MYCBP2: variants seen among roughly 807,000 people sequenced by gnomAD.
MYCBP2 encodes E3 ubiquitin-protein ligase MYCBP2.
In MYCBP2, 120 loss-of-function variants were observed where a neutral mutation model predicts 525.3. The observed-to-expected ratio is 0.23, with a 90% CI of 0.20 to 0.27. The LOEUF (loss-of-function observed/expected upper bound fraction) is 0.27. Ranked by LOEUF, MYCBP2 falls within the 10% of genes least tolerant of loss-of-function variation. The probability of loss-of-function intolerance (pLI) is 1.00; values close to 1 mark genes in which losing one functional copy is unlikely to be tolerated. For missense variants in MYCBP2, 4,149 were observed against 5,657.1 expected, an observed-to-expected ratio of 0.73 and a Z score of 8.55; for synonymous variants, 1,894 against 1,955.8, an observed-to-expected ratio of 0.97 and a Z score of 0.83.
chr13:77,155,745 T>C lies in MYCBP2; in HGVS notation c.6915+313A>G, dbSNP rs369260935. Among the ~76,000 whole-genome samples, 8 of 152,304 alleles carry C rather than the reference T, an allele frequency of 5.3e-5. No homozygotes were observed. In the East Asian group the frequency reaches 1.2e-3, roughly 22 times the overall value. The stretch of plus-strand genomic sequence containing the variant: ...TTAAAAATGTATTCTTTCATGCATT[T>C]ATTCAATCAATACATATTGAGGGGC... On this transcript the variant is annotated intron_variant, in intron 46 of 82. Transcript: ENST00000544440.
chr13:77,190,419 T>C (rs1412867189), intron 28 of MYCBP2, 84 bp from the exon 29 acceptor site: 3 of 826,240 alleles, frequency 3.6e-6, no homozygotes, highest in East Asian at 5.0e-5. Flanking sequence ...TCAAATCTTA[T>C]GTCAATGAAA....
chr13:77,206,092 G>A (rs2063301985), intron 24 of MYCBP2, among the ~76,000 whole-genome samples: 1 of 152,042 alleles, frequency 6.6e-6, no homozygotes, highest in Admixed American at 6.6e-5. Flanking sequence ...CTGAAAATGA[G>A]TCTTTTTAAG....
Position 77,233,204 on chromosome 13 carries a change from G to C in MYCBP2, c.2689C>G (p.Leu897Val). Residue 897 changes from leucine (L) to valine (V), a missense_variant, in exon 18 of 83, where the codon CTC becomes GTC. Around this residue, in one of 21 missense-constraint regions of MYCBP2, gnomAD observed 620 missense variants for 795.5 expected, o/e 0.78. Transcript: ENST00000544440. ...TTTAGCTGTGCTGGATGGGATCTGAGTCTGGCTAGAGCCTGTTCTCGATGG... is the reference window on the plus strand; with the variant it reads ...TTTAGCTGTGCTGGATGGGATCTGACTCTGGCTAGAGCCTGTTCTCGATGG... Reference protein sequence around the residue: ...MNHREQALARLRSHPAQLKHK... With the variant: ...MNHREQALARVRSHPAQLKHK... 1.2e-6 allele frequency: 2 copies of C among 1,613,872 alleles called. No individual in the cohort carries two copies. Among genetic ancestry groups the C allele is most frequent in the South Asian group, 2.2e-5 (2 of 91,048 alleles).
intron 1 of MYCBP2, among the ~76,000 whole-genome samples, chr13:77,298,655 T>G (rs541218760): frequency 6.6e-6 from 1 of 152,176 alleles, no homozygotes; most frequent in Non-Finnish European, 1.5e-5. Flanking sequence ...TCGACATGAG[T>G]GCATTTAAAG....
intron 1 of MYCBP2, among the ~76,000 whole-genome samples, chr13:77,314,621 A>C (rs530245937): frequency 6.6e-6 from 1 of 152,340 alleles, no homozygotes; most frequent in Non-Finnish European, 1.5e-5. Context: ...AGAAACAGGA[A>C]TAGGTGGAGC....
chr13:77,305,353 A>AT (rs1159607090), intron 1 of MYCBP2, among the ~76,000 whole-genome samples: 1 of 152,128 alleles, frequency 6.6e-6, no homozygotes, highest in African/African-American at 2.4e-5. Flanking sequence ...TTGTTTACCC[A>AT]TAAAAAAAGA....
At chr13:77,269,317 G>A (rs2074540132) in intron 7 of MYCBP2, among the ~76,000 whole-genome samples, 1 of 152,166 alleles carries the variant, frequency 6.6e-6, no homozygotes, top group South Asian at 2.1e-4. Context: ...TTTGGCCTCA[G>A]GACATGTATA....
At position 77,045,318 on chromosome 13, in the gene MYCBP2, C is replaced by T. The variant is rs954023312; in HGVS notation, c.*60G>A. On this transcript the variant is annotated 3_prime_UTR_variant, in exon 83 of 83. Coordinates refer to ENST00000544440, the MANE Select transcript of MYCBP2 (RefSeq NM_015057.5). Reference sequence around the variant, plus strand: ...TATCCTGAGCAGAGTTTAAACTTCACCGCATCCTCTTGGGGGATGAAGGCA... The same window carrying T: ...TATCCTGAGCAGAGTTTAAACTTCATCGCATCCTCTTGGGGGATGAAGGCA... 5 of 1,172,942 alleles carry T rather than the reference C, an allele frequency of 4.3e-6. No individual in the cohort carries two copies. The highest frequency in any genetic ancestry group is 1.5e-5 in the African/African-American group (1 of 65,978). The allele number at this position is 1,172,942 out of a possible 1,614,324, so 72.7% of individuals were successfully genotyped here.
Position 77,045,197 on chromosome 13 carries a change from G to T in MYCBP2, c.*181C>A. On this transcript the variant is annotated 3_prime_UTR_variant, in exon 83 of 83. Coordinates refer to ENST00000544440, the MANE Select transcript of MYCBP2 (RefSeq NM_015057.5). ...AAAGAAGATAAACCAAAATAATGGG[G>T]AAACTTTTCATAGCAAGAATTATGT... is the stretch of plus-strand genomic sequence containing the variant. The T allele has an allele frequency of 2.1e-6, 1 of 478,990 alleles. No individual in the cohort carries two copies. The allele number at this position is 478,990 out of a possible 1,614,324, so 29.7% of individuals were successfully genotyped here. A position where few individuals can be genotyped will look rare whatever the true frequency, so the allele number is the denominator to read the frequency against.
intron 45 of MYCBP2, among the ~76,000 whole-genome samples, chr13:77,157,312 C>T (rs1464393807): frequency 1.3e-5 from 2 of 152,004 alleles, no homozygotes; most frequent in Non-Finnish European, 2.9e-5. Context: ...GCAACCTCTG[C>T]CTCCAGGGTT....
intron 2 of MYCBP2, among the ~76,000 whole-genome samples, chr13:77,296,174 C>G (rs927635267): frequency 6.6e-6 from 1 of 152,070 alleles, no homozygotes; most frequent in Non-Finnish European, 1.5e-5. Context: ...AATGTCAGTA[C>G]TTTGGGAGGC....
chr13:77,318,739 G>T (rs769537050), intron 1 of MYCBP2, among the ~76,000 whole-genome samples: 8 of 152,162 alleles, frequency 5.3e-5, no homozygotes, highest in Non-Finnish European at 7.4e-5. Context: ...GGGTGACAGA[G>T]CGAGACTCTG....
chr13:77,163,362 A>C (rs914165238), intron 43 of MYCBP2, among the ~76,000 whole-genome samples: 2 of 152,110 alleles, frequency 1.3e-5, no homozygotes, highest in African/African-American at 4.8e-5. Flanking sequence ...GTGGGAGAAA[A>C]GGGATGGAGA....
chr13:77,292,525 A>G (rs1410652122), intron 2 of MYCBP2, among the ~76,000 whole-genome samples: 1 of 96,010 alleles, frequency 1.0e-5, no homozygotes, highest in Non-Finnish European at 3.1e-5. Flanking sequence ...GAAAGACACC[A>G]GATTTAAAAA....
At position 77,182,651 on chromosome 13, in the gene MYCBP2, G is replaced by C. The variant is rs2060317854; in HGVS notation, c.4720-729C>G. Among the ~76,000 whole-genome samples the C allele has an allele frequency of 2.6e-5, 4 of 152,332 alleles. No homozygotes were observed. The South Asian group carries it at 8.3e-4, about 32-fold the overall frequency. ...GAGAGAGTAATTAAGTTGTGCACTA[G>C]TCCAGGCAATAATCTTGCCCCTGGA... is the stretch of plus-strand genomic sequence containing the variant. On this transcript the variant is annotated intron_variant, in intron 32 of 82. Transcript: ENST00000544440.
intron 61 of MYCBP2, among the ~76,000 whole-genome samples, chr13:77,088,233 C>T (rs1428426475): frequency 1.3e-5 from 2 of 152,018 alleles, no homozygotes; most frequent in South Asian, 2.1e-4. Flanking sequence ...TTTGAAAATT[C>T]ATTTTAATAT....
chr13:77,214,031 C>T (rs1282769944), intron 21 of MYCBP2, among the ~76,000 whole-genome samples: 1 of 152,088 alleles, frequency 6.6e-6, no homozygotes, highest in Admixed American at 6.6e-5. Flanking sequence ...ACACATGCCC[C>T]CAAAAAGAAA....
chr13:77,130,328 T>C (rs1029599557), intron 52 of MYCBP2, among the ~76,000 whole-genome samples: 1 of 151,820 alleles, frequency 6.6e-6, no homozygotes, highest in African/African-American at 2.4e-5. Context: ...TCATTTTAGA[T>C]AATGAAACTT....
At chr13:77,227,951 A>T (rs1384487139) in intron 18 of MYCBP2, among the ~76,000 whole-genome samples, 4 of 152,186 alleles carry the variant, frequency 2.6e-5, no homozygotes, top group African/African-American at 9.6e-5. Context: ...ACTGTACAAA[A>T]CAACTTCTCA....
Sources: gnomAD v4.1 joint callset for allele counts (sites outside exome capture counted in the v4.1 genomes callset) on GRCh38, gnomAD v4.1.1 for gene constraint, gnomAD v4.1.1 regional missense constraint, MANE v1.5 for transcripts, NCBI Gene and HGNC (gene_info 2026-07-23, HGNC 2026-07-21) for gene names.